The following PRKCB variants were observed in gnomAD, a reference collection of about 807,000 sequenced individuals.
PRKCB encodes protein kinase C beta type.
PRKCB carries 13 observed loss-of-function variants against 81.5 expected under a neutral mutation model. The observed-to-expected ratio is 0.16, with a 90% CI of 0.10 to 0.25. PRKCB has a LOEUF of 0.25. PRKCB is among the 10% of genes least tolerant of loss of function. PRKCB has a pLI of 1.00. For missense variants in PRKCB, 509 were observed against 875.7 expected (o/e 0.58, Z 5.29); for synonymous variants, 335 against 321.4 (o/e 1.04, Z -0.45).
intron 2 of PRKCB, among the ~76,000 whole-genome samples, chr16:23,850,891 A>G (rs1962461428): frequency 6.6e-6 from 1 of 152,066 alleles, no homozygotes; most frequent in African/African-American, 2.4e-5. Context: ...ACATTTTTTC[A>G]AGTACCTATT....
intron 2 of PRKCB, among the ~76,000 whole-genome samples, chr16:23,912,507 CTTTTTTT>C (rs1210105406): frequency 9.7e-5 from 7 of 72,078 alleles, no homozygotes; most frequent in Admixed American, 4.6e-4. Context: ...TTTCTTTCTT[CTTTTTTT>C]TTTTTTTTTT....
intron 2 of PRKCB, among the ~76,000 whole-genome samples, chr16:23,925,161 G>A (rs1308544868): frequency 6.6e-6 from 1 of 152,112 alleles, no homozygotes; most frequent in Non-Finnish European, 1.5e-5. Context: ...AGAATGTTGA[G>A]AGATGAGGAA....
intron 9 of PRKCB, 39 bp from the exon 10 acceptor site, chr16:24,154,645 T>A: frequency 6.2e-7 from 1 of 1,607,514 alleles, no homozygotes; most frequent in Non-Finnish European, 8.5e-7. Context: ...GCCCCCAGAC[T>A]CCTTCCAACT....
intron 16 of PRKCB, among the ~76,000 whole-genome samples, chr16:24,202,147 C>G (rs1034307567): frequency 6.6e-6 from 1 of 152,040 alleles, no homozygotes; most frequent in Non-Finnish European, 1.5e-5. Context: ...CTATCCTGGC[C>G]TTCTCCTTTG....
chr16:24,142,580 T>C (rs938526020), intron 9 of PRKCB, among the ~76,000 whole-genome samples: 8 of 152,166 alleles, frequency 5.3e-5, no homozygotes, highest in African/African-American at 1.7e-4. Flanking sequence ...GGTTCCGATT[T>C]AATTGGTCTA....
chr16:24,190,111 T>C (rs1967767740), intron 15 of PRKCB, among the ~76,000 whole-genome samples: 1 of 152,130 alleles, frequency 6.6e-6, no homozygotes, highest in African/African-American at 2.4e-5. Flanking sequence ...GATGGAGGGT[T>C]TTGATAATTA....
intron 2 of PRKCB, among the ~76,000 whole-genome samples, chr16:23,982,680 C>T (rs147081649): frequency 1.1e-4 from 16 of 152,210 alleles, no homozygotes; most frequent in Admixed American, 5.9e-4. Context: ...CCTCCTGCCT[C>T]GACCTCCCAA....
At chr16:24,013,821 A>G (rs1965238623) in intron 3 of PRKCB, among the ~76,000 whole-genome samples, 1 of 150,436 alleles carries the variant, frequency 6.6e-6, no homozygotes, top group Non-Finnish European at 1.5e-5. Context: ...GTTGGCCTGC[A>G]CAGAATTCAC....
At chr16:24,190,373 G>A (rs964759001) in intron 15 of PRKCB, among the ~76,000 whole-genome samples, 51 of 152,152 alleles carry the variant, frequency 3.4e-4, no homozygotes, top group African/African-American at 1.2e-3. Flanking sequence ...CTTGTTGTGG[G>A]AGGAGGGAAG....
rs1567311221 is a variant in PRKCB, at chr16:23,911,825, C to CTTTTTTTTTT, written c.205+74419_205+74420insTTTTTTTTTT. ...CTTGTCCTGGGATATGCGCGACCCA[C>CTTTTTTTTTT]ATTTTTTTTTTTTTTTTTTTTTTTT... On this transcript the variant is annotated intron_variant, in intron 2 of 16. Coordinates refer to ENST00000643927, the MANE Select transcript of PRKCB (RefSeq NM_002738.7). 1.1e-4 allele frequency among the ~76,000 whole-genome samples: 14 copies of CTTTTTTTTTT among 126,372 alleles called. 5 individuals are homozygous for CTTTTTTTTTT. The highest frequency in any genetic ancestry group is 9.1e-5 in the African/African-American group (3 of 33,142). 82.9% of individuals were successfully genotyped at this position (126,372 alleles called of 152,430 possible).
intron 2 of PRKCB, among the ~76,000 whole-genome samples, chr16:23,910,550 G>T (rs1051258206): frequency 1.3e-5 from 2 of 152,130 alleles, no homozygotes; most frequent in East Asian, 1.9e-4. Context: ...AAGCCAGAAT[G>T]AACTAACATT....
At chr16:24,029,011 G>A (rs1393839941) in intron 3 of PRKCB, among the ~76,000 whole-genome samples, 3 of 152,034 alleles carry the variant, frequency 2.0e-5, no homozygotes, top group Non-Finnish European at 2.9e-5. Flanking sequence ...GGCTGGTCTC[G>A]AACTCCTGAC....
At chr16:24,140,199 C>T (rs1966885623) in intron 9 of PRKCB, among the ~76,000 whole-genome samples, 1 of 152,176 alleles carries the variant, frequency 6.6e-6, no homozygotes, top group African/African-American at 2.4e-5. Flanking sequence ...CATCCGAAGT[C>T]TGACGCTTAA....
intron 2 of PRKCB, among the ~76,000 whole-genome samples, chr16:23,883,392 C>T (rs931441913): frequency 2.6e-5 from 4 of 152,036 alleles, no homozygotes; most frequent in African/African-American, 7.2e-5. Context: ...AGTGGCTAGG[C>T]GTGATCCTTG....
At chr16:23,990,254 C>G (rs1450426375) in intron 3 of PRKCB, among the ~76,000 whole-genome samples, 2 of 151,740 alleles carry the variant, frequency 1.3e-5, no homozygotes, top group African/African-American at 4.8e-5. Flanking sequence ...GTCAGGAGAT[C>G]GAAACCATCC....
chr16:24,166,302 T>TA (rs1210039084), intron 10 of PRKCB, among the ~76,000 whole-genome samples: 2 of 152,206 alleles, frequency 1.3e-5, no homozygotes, highest in African/African-American at 2.4e-5. Context: ...AAAATATTTT[T>TA]AAAAAATAAG....
chr16:24,047,766 C>T (rs1965786384), intron 5 of PRKCB, among the ~76,000 whole-genome samples: 1 of 152,210 alleles, frequency 6.6e-6, no homozygotes, highest in African/African-American at 2.4e-5. Flanking sequence ...ATAGTCTTAT[C>T]TTTCAGTGGC....
chr16:23,958,875 C>T (rs1964387102), intron 2 of PRKCB, among the ~76,000 whole-genome samples: 1 of 152,082 alleles, frequency 6.6e-6, no homozygotes, highest in Non-Finnish European at 1.5e-5. Flanking sequence ...TCGTCTGTTG[C>T]CTTCAAGGTA....
intron 12 of PRKCB, among the ~76,000 whole-genome samples, chr16:24,178,423 T>A (rs1567403329): frequency 6.6e-6 from 1 of 152,244 alleles, no homozygotes; most frequent in Non-Finnish European, 1.5e-5. Context: ...CAGGACTGCC[T>A]GGCTCTTGGC....
Sources: allele counts gnomAD v4.1 joint callset (sites outside exome capture counted in the v4.1 genomes callset), GRCh38; gene constraint gnomAD v4.1.1; transcripts MANE v1.5; gene names NCBI Gene and HGNC (gene_info 2026-07-23, HGNC 2026-07-21).